Variants in CLSTN3 observed in about 807,000 individuals in gnomAD.
CLSTN3 encodes calsyntenin 3, also known as calsyntenin-3.
A neutral mutation model predicts 95.9 loss-of-function variants in CLSTN3; 36 were observed. The observed-to-expected ratio is 0.38, with a 90% confidence interval of 0.29 to 0.50. The LOEUF (loss-of-function observed/expected upper bound fraction) is 0.50, where lower values mean the gene tolerates loss of function less well. Among genes scored for constraint, CLSTN3 ranks in the 20% least tolerant of loss-of-function variants. CLSTN3 has a pLI of 0.95. For missense variants in CLSTN3, 1,084 were observed against 1,268.8 expected (o/e 0.85, Z 2.21); for synonymous variants, 481 against 504.0 (o/e 0.95, Z 0.61).
rs1245513770 is a variant in CLSTN3, at chr12:7,149,453, G to A, written c.2075-70G>A. On this transcript the variant is annotated intron_variant, in intron 13 of 17. Coordinates refer to ENST00000266546, the MANE Select transcript of CLSTN3 (RefSeq NM_014718.4). This position sits in a 1 kb window ranked among gnomAD's most constrained non-coding sequence, Gnocchi z 4.5. ...GAAAGGGAGGGAGAGTGGTGATGAG[G>A]GCATGGTTGGGTCTCAGAACCTCCG... 3.5e-6 allele frequency: 5 copies of A among 1,432,796 alleles called. No homozygotes were observed. The African/African-American group carries it at 5.6e-5, about 16-fold the overall frequency. The allele number at this position is 1,432,796 out of a possible 1,614,324, so 88.8% of individuals were successfully genotyped here.
intron 16 of CLSTN3, among the ~76,000 whole-genome samples, chr12:7,151,672 A>G (rs977747885): frequency 2.6e-5 from 4 of 152,236 alleles, no homozygotes; most frequent in Non-Finnish European, 4.4e-5. Context: ...GTTCCCGGTC[A>G]TGGTCCTTTA....
Position 7,136,926 on chromosome 12 carries a change from G to C in CLSTN3, c.1026G>C (p.Leu342=). 1 of 1,614,184 alleles carries C rather than the reference G, an allele frequency of 6.2e-7. No homozygotes were observed. The part of the protein sequence containing the change: ...LSVHYSQDSS[L]IYWFNGTQAV... ...TGCACTACAGCCAGGACAGCAGCCT[G>C]ATCTACTGGTTCAATGGCACCCAGG... Residue 342 remains leucine, a synonymous_variant, in exon 7 of 18, where the codon CTG becomes CTC. Transcript: ENST00000266546.
In CLSTN3 at chr12:7,133,829, C is replaced by A. The variant is rs1939353549; in HGVS notation, c.383+61C>A. 11 of 1,373,990 alleles carry A rather than the reference C, an allele frequency of 8.0e-6. No homozygotes were observed. Among genetic ancestry groups the A allele is most frequent in the Middle Eastern group, 1.9e-4 (1 of 5,382 alleles). 85.1% of individuals were successfully genotyped at this position (1,373,990 alleles called of 1,614,324 possible). On this transcript the variant is annotated intron_variant, in intron 3 of 17. Coordinates refer to ENST00000266546, the MANE Select transcript of CLSTN3 (RefSeq NM_014718.4). The surrounding 1 kb of genome is among the most constrained non-coding windows in gnomAD (Gnocchi z 4.7). ...AGGGTCCTCCTCCCTGCTCCCAAGCCCACCATCCTCTGTCCGTGCGGTCAT... is the reference window on the plus strand; with the variant it reads ...AGGGTCCTCCTCCCTGCTCCCAAGCACACCATCCTCTGTCCGTGCGGTCAT...
rs1939562035 is a variant in CLSTN3, at chr12:7,143,244, G to A, written c.1780G>A (p.Ala594Thr). 1.2e-6 allele frequency: 2 copies of A among 1,613,678 alleles called. No homozygotes were observed. The highest frequency in any genetic ancestry group is 1.7e-5 in the Admixed American group (1 of 60,016). Residue 594 changes from alanine to threonine, a missense_variant, in exon 12 of 18, where the codon GCT (alanine) becomes ACT (threonine). Physicochemically the swap from Ala to Thr is moderately conservative, Grantham distance 58 (BLOSUM62 0). Coordinates refer to ENST00000266546, the MANE Select transcript of CLSTN3 (RefSeq NM_014718.4). ...CTTCAACCATGCCCTGCAGCATGTG[G>A]CTTACATGAACACTCTGCGCTTTGC... ...ETFNHALQHV[A>T]YMNTLRFATP...
At chr12:7,132,873 C>G in intron 1 of CLSTN3, 151 bp from the exon 2 acceptor site, 6 of 1,001,314 alleles carry the variant, frequency 6.0e-6, no homozygotes, top group Admixed American at 2.0e-5. Flanking sequence ...GATTTCTTGT[C>G]CTCAACCACC....
chr12:7,131,714 C>T (rs973035571), intron 1 of CLSTN3: 116 of 452,686 alleles, frequency 2.6e-4, no homozygotes, highest in Non-Finnish European at 4.8e-4. Context: ...ACCGCTCTCT[C>T]TTCCTTGCCT....
chr12:7,138,083 G>A lies in CLSTN3; in HGVS notation c.1323+16G>A. The A allele has an allele frequency of 6.3e-7, 1 of 1,599,784 alleles. No homozygotes were observed. The highest frequency in any genetic ancestry group is 8.6e-7 in the Non-Finnish European group (1 of 1,167,236). On this transcript the variant is annotated intron_variant, in intron 8 of 17. Coordinates refer to ENST00000266546, the MANE Select transcript of CLSTN3 (RefSeq NM_014718.4). ...GCTGGAGCAGGTGAGGCAAGAGCCA[G>A]GCTCCTGGGAGGGCTGAGTAGATGT...
chr12:7,141,337 C>T lies in CLSTN3; in HGVS notation c.1419C>T (p.Ile473=). 6.2e-7 allele frequency: 1 copy of T among 1,614,230 alleles called. No homozygotes were observed. Among genetic ancestry groups the T allele is most frequent in the Non-Finnish European group, 8.5e-7 (1 of 1,180,040 alleles). ...TDGISFDPAL[I]HDNGLIHPPR... is the part of the protein sequence containing the mutation. ...GCATCTCCTTCGACCCTGCCCTCAT[C>T]CATGACAATGGCCTCATCCACCCAC... The change falls in exon 9 of 18, where the codon ATC becomes ATT. Residue 473 remains isoleucine (I), a synonymous_variant. Transcript: ENST00000266546. This position sits in a 1 kb window ranked among gnomAD's most constrained non-coding sequence, Gnocchi z 4.1.
chr12:7,157,565 G>T lies in CLSTN3; in HGVS notation c.2604G>T (p.Val868=). ...TGCTCATGGTCGTCCTGGGCCTGGTGCGCATCCATTCCCTTCACCGCCGCG... is the reference window on the plus strand; with the variant it reads ...TGCTCATGGTCGTCCTGGGCCTGGTTCGCATCCATTCCCTTCACCGCCGCG... ...FLVLMVVLGL[V]RIHSLHRRVS... is the part of the protein sequence containing the mutation. Residue 868 remains valine, a synonymous_variant, in exon 17 of 18, where the codon GTG becomes GTT. Transcript: ENST00000266546. The surrounding 1 kb of genome is among the most constrained non-coding windows in gnomAD (Gnocchi z 5.9). 6.2e-7 allele frequency: 1 copy of T among 1,613,350 alleles called. No individual in the cohort carries two copies. Among genetic ancestry groups the T allele is most frequent in the South Asian group, 1.1e-5 (1 of 90,984 alleles).
rs1160893026 is a variant in CLSTN3 at position 7,158,197 on chromosome 12, A to G, written c.*116A>G. 2 of 1,281,402 alleles carry G rather than the reference A, an allele frequency of 1.6e-6. No homozygotes were observed. The highest frequency in any genetic ancestry group is 2.1e-6 in the Non-Finnish European group (2 of 962,288). The allele number at this position is 1,281,402 out of a possible 1,614,324, so 79.4% of individuals were successfully genotyped here. A position where few individuals can be genotyped will look rare whatever the true frequency, so the allele number is the denominator to read the frequency against. ...GACCAAGAGGGAGAGAGGCTTCAGA[A>G]CCAGTCCTCCTTTCATTTCAAAACC... On this transcript the variant is annotated 3_prime_UTR_variant, in exon 18 of 18. Coordinates refer to ENST00000266546, the MANE Select transcript of CLSTN3 (RefSeq NM_014718.4).
chr12:7,131,874 G>A (rs1939311226), intron 1 of CLSTN3: 4 of 456,348 alleles, frequency 8.8e-6, no homozygotes, highest in Non-Finnish European at 1.8e-5. Flanking sequence ...GCTTGCTGGT[G>A]TGTGGTTGGA....
intron 5 of CLSTN3, 40 bp from the exon 6 acceptor site, chr12:7,136,166 C>T: frequency 6.3e-7 from 1 of 1,594,820 alleles, no homozygotes; most frequent in African/African-American, 1.3e-5. Context: ...CTGCTTTACC[C>T]TTCTCTCTCC....
intron 5 of CLSTN3, 79 bp from the exon 6 acceptor site, chr12:7,136,127 C>T: frequency 6.5e-7 from 1 of 1,542,566 alleles, no homozygotes. Flanking sequence ...TGTCCATGGA[C>T]ATGGCAAGAG....
At chr12:7,144,753 G>A (rs1470348734) in intron 12 of CLSTN3, among the ~76,000 whole-genome samples, 2 of 152,154 alleles carry the variant, frequency 1.3e-5, no homozygotes, top group Non-Finnish European at 2.9e-5. Flanking sequence ...CCTGGGAGGG[G>A]TGGGTTTAGA....
intron 12 of CLSTN3, among the ~76,000 whole-genome samples, chr12:7,146,928 C>T (rs188892703): frequency 4.8e-4 from 73 of 152,292 alleles, no homozygotes; most frequent in African/African-American, 1.7e-3. Context: ...GGCCCTGCTC[C>T]GTGTGGTACA....
At chr12:7,148,026 G>A (rs746819993) in intron 12 of CLSTN3, among the ~76,000 whole-genome samples, 1 of 152,106 alleles carries the variant, frequency 6.6e-6, no homozygotes, top group Non-Finnish European at 1.5e-5. Context: ...GTGGTGGCAT[G>A]CGCCCTATAA....
At position 7,149,485 on chromosome 12, in the gene CLSTN3, C is replaced by T; in HGVS notation, c.2075-38C>T. The T allele has an allele frequency of 1.3e-6, 2 of 1,577,970 alleles. No homozygotes were observed. The highest frequency in any genetic ancestry group is 1.7e-6 in the Non-Finnish European group (2 of 1,157,996). Reference sequence around the variant, plus strand: ...TTGGGTCTCAGAACCTCCGTGGGCCCTTTGGCTCTGACCCAGACCCTACTA... The same window carrying T: ...TTGGGTCTCAGAACCTCCGTGGGCCTTTTGGCTCTGACCCAGACCCTACTA... On this transcript the variant is annotated intron_variant, in intron 13 of 17. Transcript: ENST00000266546. This position sits in a 1 kb window ranked among gnomAD's most constrained non-coding sequence, Gnocchi z 4.5.
At chr12:7,151,172 A>G (rs1939718642) in intron 16 of CLSTN3, 109 bp downstream of exon 16, 1 of 1,301,234 alleles carries the variant, frequency 7.7e-7, no homozygotes, top group African/African-American at 1.5e-5. Context: ...AGGTGGAGCA[A>G]TGGGTTCTGT....
rs781377504 is a variant in CLSTN3 at position 7,149,677 on chromosome 12, C to T, written c.2229C>T (p.Ala743=). ...QRGLELTNTS[A]YLTIAGVESI... ...GGCTGGAGCTCACCAACACATCTGC[C>T]TACCTCACTATTGCTGGTCAGTGGG... The change falls in exon 14 of 18, where the codon GCC becomes GCT. Residue 743 remains alanine, a synonymous_variant. Transcript: ENST00000266546. The surrounding 1 kb of genome is among the most constrained non-coding windows in gnomAD (Gnocchi z 4.5). 3 of 1,613,834 alleles carry T rather than the reference C, an allele frequency of 1.9e-6. No individual in the cohort carries two copies. Among genetic ancestry groups the T allele is most frequent in the Non-Finnish European group, 1.7e-6 (2 of 1,179,814 alleles).
Sources: gnomAD v4.1 joint callset for allele counts (sites outside exome capture counted in the v4.1 genomes callset) on GRCh38, gnomAD v4.1.1 for gene constraint, Gnocchi (gnomAD v3.1) non-coding constraint, MANE v1.5 for transcripts, NCBI Gene and HGNC (gene_info 2026-07-23, HGNC 2026-07-21) for gene names.